Variants in ERC2 observed in about 807,000 individuals in gnomAD.
ERC2 encodes the protein ERC protein 2.
In ERC2, 42 loss-of-function variants were observed where a neutral mutation model predicts 114.8. That is an observed-to-expected ratio of 0.37 (90% confidence interval 0.29 to 0.47). The LOEUF is 0.47. ERC2 is among the 20% of genes least tolerant of loss of function. The pLI, the probability that ERC2 is intolerant of heterozygous loss-of-function variation, is 0.99. For missense variants in ERC2, 939 were observed against 1,150.7 expected (o/e 0.82, Z 2.66); for synonymous variants, 454 against 425.5 (o/e 1.07, Z -0.82).
chr3:55,564,934 C>G (rs937636928), intron 17 of ERC2, among the ~76,000 whole-genome samples: 3 of 152,226 alleles, frequency 2.0e-5, no homozygotes, highest in Non-Finnish European at 4.4e-5. Flanking sequence ...GTACTCAACT[C>G]TGCTGCTGGA....
intron 2 of ERC2, among the ~76,000 whole-genome samples, chr3:56,323,481 A>G (rs1283410479): frequency 6.6e-6 from 1 of 152,180 alleles, no homozygotes; most frequent in Admixed American, 6.5e-5. Context: ...GGCCCTGTCA[A>G]ATCACCAGAT....
At chr3:55,793,787 T>G (rs1247512403) in intron 14 of ERC2, among the ~76,000 whole-genome samples, 2 of 152,152 alleles carry the variant, frequency 1.3e-5, no homozygotes, top group Admixed American at 6.6e-5. Context: ...AGTACATCAC[T>G]AATGAACAAA....
intron 13 of ERC2, among the ~76,000 whole-genome samples, chr3:55,935,239 G>A (rs573995816): frequency 1.3e-4 from 20 of 152,296 alleles, no homozygotes; most frequent in African/African-American, 4.6e-4. Context: ...CTTTCAAGGT[G>A]GCCAGAGGAG....
At chr3:56,023,337 G>A (rs2073841406) in intron 7 of ERC2, among the ~76,000 whole-genome samples, 1 of 152,038 alleles carries the variant, frequency 6.6e-6, no homozygotes, top group Non-Finnish European at 1.5e-5. Context: ...CATACATGAG[G>A]CCCTCCGAGG....
intron 17 of ERC2, among the ~76,000 whole-genome samples, chr3:55,613,498 G>T (rs2058990504): frequency 1.3e-5 from 2 of 152,144 alleles, no homozygotes; most frequent in African/African-American, 4.8e-5. Context: ...CATTTTCCAG[G>T]TAATTTTCTT....
intron 3 of ERC2, among the ~76,000 whole-genome samples, chr3:56,265,429 C>A (rs2053227854): frequency 6.6e-6 from 1 of 152,158 alleles, no homozygotes; most frequent in African/African-American, 2.4e-5. Flanking sequence ...GCACCCTTAA[C>A]TTACACCATA....
chr3:55,973,746 TGA>T (rs2069354512), intron 12 of ERC2, among the ~76,000 whole-genome samples: 1 of 152,174 alleles, frequency 6.6e-6, no homozygotes, highest in African/African-American at 2.4e-5. Flanking sequence ...GCTTAACAAA[TGA>T]GAGTGCAGTT....
chr3:56,057,434 GC>G (rs2076063246), intron 7 of ERC2, among the ~76,000 whole-genome samples: 1 of 152,048 alleles, frequency 6.6e-6, no homozygotes, highest in Admixed American at 6.6e-5. Flanking sequence ...TTTGCTTTGG[GC>G]CTATAAAATC....
chr3:55,983,309 C>A (rs895636127), intron 12 of ERC2, among the ~76,000 whole-genome samples: 1 of 152,180 alleles, frequency 6.6e-6, no homozygotes, highest in Non-Finnish European at 1.5e-5. Context: ...TTGGAGATAA[C>A]CTCATCTGTC....
chr3:56,244,247 C>G (rs1211980959), intron 3 of ERC2, among the ~76,000 whole-genome samples: 2 of 152,092 alleles, frequency 1.3e-5, no homozygotes, highest in East Asian at 1.9e-4. Context: ...TGCAAACAAA[C>G]CTACTGCACT....
At chr3:55,650,833 C>T (rs1025956958) in intron 17 of ERC2, among the ~76,000 whole-genome samples, 2 of 130,420 alleles carry the variant, frequency 1.5e-5, no homozygotes, top group Non-Finnish European at 3.1e-5. Flanking sequence ...GTCTGCCTCT[C>T]ATAGGGTGTT....
chr3:56,042,602 G>C (rs573387989), intron 7 of ERC2, among the ~76,000 whole-genome samples: 1 of 152,206 alleles, frequency 6.6e-6, no homozygotes, highest in Admixed American at 6.5e-5. Flanking sequence ...TCAAATGGAC[G>C]GGTGAAAGCA....
intron 6 of ERC2, among the ~76,000 whole-genome samples, chr3:56,126,330 T>C (rs2079861816): frequency 6.6e-6 from 1 of 152,210 alleles, no homozygotes; most frequent in Non-Finnish European, 1.5e-5. Context: ...TACATCATGT[T>C]AACAGAATGA....
At chr3:55,812,620 G>T (rs1559696342) in intron 14 of ERC2, among the ~76,000 whole-genome samples, 2 of 152,310 alleles carry the variant, frequency 1.3e-5, no homozygotes, top group South Asian at 2.1e-4. Context: ...CAATCAAAGA[G>T]AACAGGAGGG....
intron 17 of ERC2, among the ~76,000 whole-genome samples, chr3:55,659,580 G>C (rs1259369124): frequency 6.6e-6 from 1 of 151,938 alleles, no homozygotes; most frequent in African/African-American, 2.4e-5. Context: ...CCACCAGAGG[G>C]GTCCTTCTAA....
At chr3:55,595,407 T>G (rs915217706) in intron 17 of ERC2, among the ~76,000 whole-genome samples, 1 of 152,208 alleles carries the variant, frequency 6.6e-6, no homozygotes, top group Non-Finnish European at 1.5e-5. Flanking sequence ...GTACCAAAGC[T>G]CTTCAAAGAT....
At chr3:56,117,857 G>A (rs992181199) in intron 6 of ERC2, among the ~76,000 whole-genome samples, 1 of 152,194 alleles carries the variant, frequency 6.6e-6, no homozygotes, top group Admixed American at 6.5e-5. Flanking sequence ...GCTGGAGGAA[G>A]GAAAAGGCAC....
At position 55,866,461 on chromosome 3, in the gene ERC2, A is replaced by G. The variant is rs183131289; in HGVS notation, c.2564+21928T>C. ...TATCGTTTGTAGCACAAAAGTTTTT[A>G]ATTTTGATGAAGTCCAATTTATCAC... On this transcript the variant is annotated intron_variant, in intron 14 of 17. Transcript: ENST00000288221. 1.2e-3 allele frequency among the ~76,000 whole-genome samples: 176 copies of G among 152,238 alleles called. 1 individual carries two copies. Among genetic ancestry groups the G allele is most frequent in the Non-Finnish European group, 1.7e-3 (116 of 67,994 alleles).
chr3:55,671,214 C>T (rs1453837272), intron 17 of ERC2, among the ~76,000 whole-genome samples: 5 of 152,126 alleles, frequency 3.3e-5, no homozygotes, highest in African/African-American at 4.8e-5. Flanking sequence ...TAATTTTGAT[C>T]CCCAATAAAG....
Sources: gnomAD v4.1 joint callset for allele counts (sites outside exome capture counted in the v4.1 genomes callset) on GRCh38, gnomAD v4.1.1 for gene constraint, MANE v1.5 for transcripts, NCBI Gene and HGNC (gene_info 2026-07-23, HGNC 2026-07-21) for gene names.